The following MAGI2 variants were observed in gnomAD, a reference collection of about 807,000 sequenced individuals.
MAGI2 encodes membrane associated guanylate kinase, WW and PDZ domain containing 2, also known as membrane-associated guanylate kinase, WW and PDZ domain-containing protein 2.
In MAGI2, 35 loss-of-function variants were observed where a neutral mutation model predicts 133.3. That is an observed-to-expected ratio of 0.26 (90% confidence interval 0.20 to 0.35). The LOEUF (loss-of-function observed/expected upper bound fraction) is 0.35. Among genes scored for constraint, MAGI2 ranks in the 10% least tolerant of loss-of-function variants. The pLI, the probability that MAGI2 is intolerant of heterozygous loss-of-function variation, is 1.00. For missense variants in MAGI2, 1,636 were observed against 1,863.4 expected (o/e 0.88, Z 2.25); for synonymous variants, 729 against 710.6 (o/e 1.03, Z -0.41).
At chr7:78,799,399 A>G (rs1038998727) in intron 2 of MAGI2, among the ~76,000 whole-genome samples, 5 of 152,192 alleles carry the variant, frequency 3.3e-5, no homozygotes, top group Non-Finnish European at 5.9e-5. Context: ...GAATGTCAAA[A>G]TGATTTACTG....
intron 3 of MAGI2, among the ~76,000 whole-genome samples, chr7:78,563,116 T>C (rs1800584549): frequency 1.3e-5 from 2 of 152,124 alleles, no homozygotes; most frequent in South Asian, 2.1e-4. Context: ...TTTGCAAATA[T>C]GTGCAATTAT....
At chr7:78,136,779 C>T (rs17614508) in intron 16 of MAGI2, among the ~76,000 whole-genome samples, 15,110 of 152,236 alleles carry the variant, frequency 0.099, 892 homozygotes, top group Middle Eastern at 0.14. Context: ...AACTCTCAAT[C>T]TTGCACATGC....
At chr7:78,295,771 C>T (rs1178811785) in intron 9 of MAGI2, among the ~76,000 whole-genome samples, 3 of 152,132 alleles carry the variant, frequency 2.0e-5, no homozygotes, top group African/African-American at 7.2e-5. Flanking sequence ...GGCACAGTGT[C>T]TCCTGTAAAC....
intron 1 of MAGI2, among the ~76,000 whole-genome samples, chr7:79,181,020 C>T (rs1398914649): frequency 2.0e-5 from 3 of 152,068 alleles, no homozygotes; most frequent in Admixed American, 6.5e-5. Context: ...GCAGCTCCAC[C>T]TCTATGGCTT....
At chr7:79,404,072 C>T (rs557225779) in intron 1 of MAGI2, among the ~76,000 whole-genome samples, 58 of 152,248 alleles carry the variant, frequency 3.8e-4, no homozygotes, top group African/African-American at 1.3e-3. Flanking sequence ...CTAATTATAG[C>T]CACCTGCTTC....
rs200045014 is a variant in MAGI2, at chr7:78,560,545, A to AT, written c.539-38901dup. 2.7e-4 allele frequency among the ~76,000 whole-genome samples: 41 copies of AT among 152,286 alleles called. No homozygotes were observed. The East Asian group carries it at 7.7e-3, about 29-fold the overall frequency. ...TAAACGTTAATCTAAATACTTTAAA[A>AT]TTTTTTTAAAATTATGTTTAAAAAC... On this transcript the variant is annotated intron_variant, in intron 3 of 21. Transcript: ENST00000354212.
At chr7:78,514,985 G>C (rs565203594) in intron 4 of MAGI2, among the ~76,000 whole-genome samples, 1 of 152,164 alleles carries the variant, frequency 6.6e-6, no homozygotes, top group African/African-American at 2.4e-5. Context: ...CATGGGCCCT[G>C]TTCCTCTTGG....
chr7:78,279,075 A>G (rs59377837), intron 9 of MAGI2, among the ~76,000 whole-genome samples: 32,586 of 152,102 alleles, frequency 0.21, 3,713 homozygotes, highest in South Asian at 0.31. Flanking sequence ...TTAACATATC[A>G]GAACTGGTTT....
intron 2 of MAGI2, among the ~76,000 whole-genome samples, chr7:78,941,767 C>T (rs1475707377): frequency 6.6e-6 from 1 of 151,060 alleles, no homozygotes. Context: ...CACACACACA[C>T]ACACACACTT....
chr7:79,013,161 T>C (rs1808348927), intron 1 of MAGI2, among the ~76,000 whole-genome samples: 1 of 152,146 alleles, frequency 6.6e-6, no homozygotes, highest in East Asian at 1.9e-4. Flanking sequence ...TCTTATAATT[T>C]GGGATTTCTT....
chr7:78,423,702 G>T (rs111421396), intron 6 of MAGI2, among the ~76,000 whole-genome samples: 2,358 of 152,272 alleles, frequency 0.015, 57 homozygotes, highest in African/African-American at 0.05. Context: ...TGAGGAACTT[G>T]TTGGGAACTG....
intron 2 of MAGI2, among the ~76,000 whole-genome samples, chr7:78,727,068 C>T (rs898595834): frequency 6.6e-6 from 1 of 152,108 alleles, no homozygotes; most frequent in Non-Finnish European, 1.5e-5. Flanking sequence ...TTTTTCTTGT[C>T]AGACTGACAT....
At chr7:78,327,813 AGTCG>A (rs1788738657) in intron 9 of MAGI2, among the ~76,000 whole-genome samples, 1 of 152,192 alleles carries the variant, frequency 6.6e-6, no homozygotes, top group Admixed American at 6.5e-5. Context: ...GAACAAGATT[AGTCG>A]ATGACAGAAA....
At position 78,730,368 on chromosome 7, in the gene MAGI2, C is replaced by A. The variant is rs145272527; in HGVS notation, c.419-103129G>T. On this transcript the variant is annotated intron_variant, in intron 2 of 21. Transcript: ENST00000354212. ...ATGAATTCCACGAATATAAAATGCT[C>A]AATGGGCCCTAAGTACCTTTCTTCC... is the stretch of plus-strand genomic sequence containing the variant. 5.6e-3 allele frequency among the ~76,000 whole-genome samples: 819 copies of A among 147,068 alleles called. 32 individuals carry two copies. Among genetic ancestry groups the A allele is most frequent in the Admixed American group, 0.049 (724 of 14,656 alleles).
chr7:79,333,279 C>A (rs1840214589), intron 1 of MAGI2, among the ~76,000 whole-genome samples: 1 of 152,130 alleles, frequency 6.6e-6, no homozygotes, highest in Non-Finnish European at 1.5e-5. Flanking sequence ...AGGCACGTGC[C>A]ACCATGCCCA....
At chr7:79,362,200 T>C (rs1056885200) in intron 1 of MAGI2, among the ~76,000 whole-genome samples, 15 of 152,058 alleles carry the variant, frequency 9.9e-5, no homozygotes, top group African/African-American at 2.9e-4. Flanking sequence ...GATATCACCA[T>C]AGATGCTGTG....
intron 1 of MAGI2, among the ~76,000 whole-genome samples, chr7:79,379,121 C>T (rs1585767963): frequency 1.3e-5 from 2 of 150,498 alleles, no homozygotes; most frequent in South Asian, 4.2e-4. Context: ...TCCCCCCCAC[C>T]CCACAATAGG....
chr7:79,056,100 C>G (rs1813123947), intron 1 of MAGI2, among the ~76,000 whole-genome samples: 1 of 152,026 alleles, frequency 6.6e-6, no homozygotes, highest in South Asian at 2.1e-4. Flanking sequence ...ATGAGAGAAC[C>G]CTTGCACACT....
intron 1 of MAGI2, among the ~76,000 whole-genome samples, chr7:79,214,271 T>C (rs1259342380): frequency 6.7e-6 from 1 of 150,354 alleles, no homozygotes; most frequent in Non-Finnish European, 1.5e-5. Context: ...GAACAAGCCT[T>C]TTGATGGGCA....
Sources: gnomAD v4.1 joint callset for allele counts (sites outside exome capture counted in the v4.1 genomes callset) on GRCh38, gnomAD v4.1.1 for gene constraint, MANE v1.5 for transcripts, NCBI Gene and HGNC (gene_info 2026-07-23, HGNC 2026-07-21) for gene names.